Variants in SYNDIG1 observed in about 807,000 individuals in gnomAD.
SYNDIG1 encodes synapse differentiation-inducing gene protein 1.
SYNDIG1 carries 9 observed loss-of-function variants against 19.4 expected under a neutral mutation model. That is an observed-to-expected ratio of 0.46 (90% confidence interval 0.28 to 0.81). SYNDIG1 has a LOEUF of 0.81. Among genes scored for constraint, SYNDIG1 ranks in the 30% least tolerant of loss-of-function variants. SYNDIG1 has a pLI of 0.12. For missense variants in SYNDIG1, 311 were observed against 343.3 expected, an observed-to-expected ratio of 0.91 and a Z score of 0.74; for synonymous variants, 141 against 145.9, an observed-to-expected ratio of 0.97 and a Z score of 0.24.
At chr20:24,645,713 C>G (rs1468364516) in intron 3 of SYNDIG1, among the ~76,000 whole-genome samples, 3 of 152,194 alleles carry the variant, frequency 2.0e-5, no homozygotes, top group Non-Finnish European at 2.9e-5. Context: ...GAGGCGGAGG[C>G]TGGGCTAGGG....
chr20:24,609,836 G>A (rs1020816067), intron 3 of SYNDIG1, among the ~76,000 whole-genome samples: 5 of 152,040 alleles, frequency 3.3e-5, no homozygotes, highest in Admixed American at 6.5e-5. Flanking sequence ...CACCCCTCAA[G>A]AGCCCACTCC....
At chr20:24,516,285 G>T (rs2056862622) in intron 1 of SYNDIG1, among the ~76,000 whole-genome samples, 2 of 152,302 alleles carry the variant, frequency 1.3e-5, no homozygotes, top group Non-Finnish European at 2.9e-5. Flanking sequence ...AGGACTTCAT[G>T]TCTAAAACAC....
intron 3 of SYNDIG1, among the ~76,000 whole-genome samples, chr20:24,598,490 A>G (rs980735178): frequency 6.6e-5 from 10 of 152,226 alleles, no homozygotes; most frequent in African/African-American, 1.9e-4. Context: ...GTACCCAGCA[A>G]GTGAGGAAGT....
At chr20:24,544,617 G>A (rs975898146) in intron 2 of SYNDIG1, among the ~76,000 whole-genome samples, 19 of 152,098 alleles carry the variant, frequency 1.2e-4, no homozygotes, top group African/African-American at 3.9e-4. Context: ...TGTGAGAGCT[G>A]GCCTCTCAGA....
intron 3 of SYNDIG1, among the ~76,000 whole-genome samples, chr20:24,654,650 G>GAGGAAGGAAGGAAGGAAGGAAGGA (rs572001347): frequency 1.5e-4 from 18 of 117,456 alleles, no homozygotes; most frequent in East Asian, 6.0e-4. Context: ...GGGAGGGAGG[G>GAGGAAGGAAGGAAGGAAGGAAGGA]AGGAAGGAAG....
intron 1 of SYNDIG1, among the ~76,000 whole-genome samples, chr20:24,490,479 G>A (rs2146305204): frequency 6.6e-6 from 1 of 152,264 alleles, no homozygotes; most frequent in Admixed American, 6.5e-5. Context: ...CATAAAGAAG[G>A]TTGTATCTGG....
intron 3 of SYNDIG1, among the ~76,000 whole-genome samples, chr20:24,644,836 C>A (rs549521641): frequency 7.6e-4 from 115 of 152,302 alleles, no homozygotes; most frequent in Admixed American, 3.2e-3. Flanking sequence ...AGCCACAGAA[C>A]AATAGATCAC....
At position 24,543,453 on chromosome 20, in the gene SYNDIG1, G is replaced by A. The variant is rs199993379; in HGVS notation, c.356G>A (p.Arg119Gln). The change falls in exon 2 of 4, where the codon CGG (arginine) becomes CAG (glutamine). Residue 119 changes from arginine (R) to glutamine (Q), a missense_variant. By Grantham distance (43) the Arg-to-Gln change is conservative (BLOSUM62 1). Transcript: ENST00000376862. ...TGCGAGACCACCTTCATCGAGGACC[G>A]GTCGCCCACCAAAGACAGCCTCGAG... ...DCCETTFIED[R>Q]SPTKDSLEYP... The A allele has an allele frequency of 8.4e-5, 135 of 1,613,402 alleles. No homozygotes were observed. The highest frequency in any genetic ancestry group is 1.6e-4 in the Middle Eastern group (1 of 6,082).
At chr20:24,618,013 T>G (rs2058970049) in intron 3 of SYNDIG1, among the ~76,000 whole-genome samples, 1 of 45,744 alleles carries the variant, frequency 2.2e-5, no homozygotes, top group African/African-American at 9.4e-5. Flanking sequence ...GGAAGGGAGA[T>G]GCTGAGAGAG....
intron 2 of SYNDIG1, among the ~76,000 whole-genome samples, chr20:24,582,006 T>C (rs2058332662): frequency 7.4e-6 from 1 of 134,334 alleles, no homozygotes. Flanking sequence ...ATATTGCATG[T>C]CCCACCCCCT....
At chr20:24,521,814 C>G (rs974416173) in intron 1 of SYNDIG1, among the ~76,000 whole-genome samples, 1 of 151,038 alleles carries the variant, frequency 6.6e-6, no homozygotes. Flanking sequence ...GCAGGAGAAT[C>G]GCTTGAACCC....
chr20:24,611,163 A>G (rs575346665), intron 3 of SYNDIG1, among the ~76,000 whole-genome samples: 1 of 151,996 alleles, frequency 6.6e-6, no homozygotes, highest in Non-Finnish European at 1.5e-5. Context: ...TAGCCCCACC[A>G]CATTCTCCAG....
At chr20:24,526,355 C>T (rs143445556) in intron 1 of SYNDIG1, among the ~76,000 whole-genome samples, 1,549 of 152,016 alleles carry the variant, frequency 0.01, 12 homozygotes, top group Non-Finnish European at 0.016. Flanking sequence ...TACTCATGTA[C>T]TTCTCTCCCC....
chr20:24,524,370 C>T (rs2057070835), intron 1 of SYNDIG1, among the ~76,000 whole-genome samples: 2 of 152,126 alleles, frequency 1.3e-5, no homozygotes. Flanking sequence ...TGTTGGCCGG[C>T]CAGGGTGGCT....
chr20:24,642,116 T>A (rs1277480792), intron 3 of SYNDIG1, among the ~76,000 whole-genome samples: 1 of 152,252 alleles, frequency 6.6e-6, no homozygotes, highest in Non-Finnish European at 1.5e-5. Context: ...AGAAACCATA[T>A]GGCATTTAGT....
At chr20:24,637,505 G>A (rs59550022) in intron 3 of SYNDIG1, among the ~76,000 whole-genome samples, 4,368 of 152,228 alleles carry the variant, frequency 0.029, 221 homozygotes, top group African/African-American at 0.099. Flanking sequence ...TCTTCATGAA[G>A]CCTCTTGCTC....
chr20:24,545,036 A>T (rs185289865), intron 2 of SYNDIG1, among the ~76,000 whole-genome samples: 16 of 152,294 alleles, frequency 1.1e-4, no homozygotes, highest in Middle Eastern at 6.8e-3. Context: ...GGGACCCCAC[A>T]CTTGATAGAA....
intron 3 of SYNDIG1, among the ~76,000 whole-genome samples, chr20:24,654,353 C>CTA (rs2059501906): frequency 6.6e-6 from 1 of 152,054 alleles, no homozygotes; most frequent in Admixed American, 6.6e-5. Flanking sequence ...TTCAAAAAAT[C>CTA]TATAGAGTTA....
At position 24,504,117 on chromosome 20, in the gene SYNDIG1, G is replaced by A. The variant is rs191039659; in HGVS notation, c.-79+34364G>A. Among the ~76,000 whole-genome samples, 335 of 152,122 alleles carry A rather than the reference G, an allele frequency of 2.2e-3. 5 individuals carry two copies. The highest frequency in any genetic ancestry group is 7.3e-3 in the African/African-American group (303 of 41,520). On this transcript the variant is annotated intron_variant, in intron 1 of 3. Coordinates refer to ENST00000376862, the MANE Select transcript of SYNDIG1 (RefSeq NM_024893.3). ...TGGGACTACAGGCACCTGCCACCACGCCGACTAATTTTTTGTATTTTTAGT... is the reference window on the plus strand; with the variant it reads ...TGGGACTACAGGCACCTGCCACCACACCGACTAATTTTTTGTATTTTTAGT...
Sources: gnomAD v4.1 joint callset for allele counts (sites outside exome capture counted in the v4.1 genomes callset) on GRCh38, gnomAD v4.1.1 for gene constraint, MANE v1.5 for transcripts, NCBI Gene and HGNC (gene_info 2026-07-23, HGNC 2026-07-21) for gene names.